ANKRD50: variants seen among roughly 807,000 people sequenced by gnomAD.
The protein encoded by ANKRD50 is ankyrin repeat domain 50, also known as ankyrin repeat domain-containing protein 50.
A neutral mutation model predicts 112.0 loss-of-function variants in ANKRD50; 40 were observed. The observed-to-expected ratio is 0.36, with a 90% CI of 0.28 to 0.46. ANKRD50 has a LOEUF of 0.46. ANKRD50 is among the 20% of genes least tolerant of loss of function. The pLI is 1.00. For synonymous variants in ANKRD50, 613 were observed against 619.1 expected (o/e 0.99, Z 0.15); for missense variants, 1,487 against 1,701.7 (o/e 0.87, Z 2.22).
At chr4:124,677,725 T>A (rs1352665659) in intron 3 of ANKRD50, among the ~76,000 whole-genome samples, 2 of 151,926 alleles carry the variant, frequency 1.3e-5, no homozygotes, top group African/African-American at 4.8e-5. Context: ...AAAGCTCAGA[T>A]GGTGTACGGA....
chr4:124,700,468 A>G (rs1462033917), intron 2 of ANKRD50, among the ~76,000 whole-genome samples: 1 of 152,214 alleles, frequency 6.6e-6, no homozygotes, highest in African/African-American at 2.4e-5. Context: ...CCAGCAATAG[A>G]AAATGGGAGT....
chr4:124,670,911 G>A lies in ANKRD50; in HGVS notation c.2366C>T (p.Ala789Val), dbSNP rs774438602. ...TACAACTGATGCATGACCCATAGAC[G>A]CTGCTGCTAAGAGGGGTGTACGGCC... The part of the protein sequence containing the change: ...NNGRTPLLAA[A>V]SMGHASVVNT... Residue 789 changes from alanine to valine, a missense_variant, in exon 4 of 5, where the codon GCG becomes GTG. Physicochemically the swap from Ala to Val is moderately conservative, Grantham distance 64. Transcript: ENST00000504087. The A allele has an allele frequency of 1.6e-5, 26 of 1,613,762 alleles. No homozygotes were observed. Among genetic ancestry groups the A allele is most frequent in the Non-Finnish European group, 1.9e-5 (23 of 1,179,842 alleles).
rs1290380845 is a variant in ANKRD50, at chr4:124,710,011, T to C, written c.501A>G (p.Glu167=). 19 of 1,609,130 alleles carry C rather than the reference T, an allele frequency of 1.2e-5. No homozygotes were observed. The highest frequency in any genetic ancestry group is 1.5e-5 in the Non-Finnish European group (18 of 1,176,524). ...QPGECERNPA[E]AFKRCVLLPL... is the part of the protein sequence containing the mutation. ...ATTTTTATTGTTACCTTTTAAATGCTTCGGCTGGGTTTCTCTCGCACTCCC... is the reference window on the plus strand; with the variant it reads ...ATTTTTATTGTTACCTTTTAAATGCCTCGGCTGGGTTTCTCTCGCACTCCC... The change falls in exon 2 of 5, where the codon GAA becomes GAG. Residue 167 remains glutamate (E), a synonymous_variant. Coordinates refer to ENST00000504087, the MANE Select transcript of ANKRD50 (RefSeq NM_020337.3).
At chr4:124,672,967 T>C (rs897267685) in intron 3 of ANKRD50, among the ~76,000 whole-genome samples, 4 of 152,124 alleles carry the variant, frequency 2.6e-5, no homozygotes, top group East Asian at 1.9e-4. Context: ...TTTTCACCTA[T>C]ACACTTGAAT....
rs1175698408 is a variant in ANKRD50, at chr4:124,666,736, G to A, written c.*782C>T. 1.3e-5 allele frequency: 2 copies of A among 152,324 alleles called. No individual in the cohort carries two copies. Among genetic ancestry groups the A allele is most frequent in the Non-Finnish European group, 2.9e-5 (2 of 67,912 alleles). 9.4% of individuals were successfully genotyped at this position (152,324 alleles called of 1,614,324 possible). On this transcript the variant is annotated 3_prime_UTR_variant, in exon 5 of 5. Coordinates refer to ENST00000504087, the MANE Select transcript of ANKRD50 (RefSeq NM_020337.3). The stretch of plus-strand genomic sequence containing the variant: ...GGAATGATAGTCTGTCTTCTTAGAG[G>A]TGGAATGACAAAGTGAATGGAAGAT...
chr4:124,688,180 C>CA (rs1725048938), intron 2 of ANKRD50, among the ~76,000 whole-genome samples: 2 of 151,832 alleles, frequency 1.3e-5, no homozygotes, highest in Admixed American at 1.3e-4. Context: ...AGAGAAAAAA[C>CA]AAAAAAGGAA....
chr4:124,674,341 T>C (rs974899110), intron 3 of ANKRD50, among the ~76,000 whole-genome samples: 1 of 151,950 alleles, frequency 6.6e-6, no homozygotes, highest in Non-Finnish European at 1.5e-5. Context: ...ATGTCATGAT[T>C]GGAACTTGAG....
At chr4:124,693,262 C>T (rs1398398647) in intron 2 of ANKRD50, among the ~76,000 whole-genome samples, 1 of 152,098 alleles carries the variant, frequency 6.6e-6, no homozygotes, top group Non-Finnish European at 1.5e-5. Context: ...CTTTTAAGGT[C>T]TTGTAACTGA....
At position 124,664,450 on chromosome 4, in the gene ANKRD50, C is replaced by G. The variant is rs1194337821; in HGVS notation, c.*3068G>C. On this transcript the variant is annotated 3_prime_UTR_variant, in exon 5 of 5. Transcript: ENST00000504087. ...ATGCTATATGCATATCATGCATGTT[C>G]TACTGGTTCAAGGACAAAATTAAAA... 6.6e-6 allele frequency: 1 copy of G among 152,262 alleles called. No individual in the cohort carries two copies. Among genetic ancestry groups the G allele is most frequent in the East Asian group, 1.9e-4 (1 of 5,184 alleles). The allele number at this position is 152,262 out of a possible 1,614,324, so 9.4% of individuals were successfully genotyped here.
At position 124,671,313 on chromosome 4, in the gene ANKRD50, C is replaced by T. The variant is rs1400645114; in HGVS notation, c.1964G>A (p.Gly655Glu). 1 of 1,613,804 alleles carries T rather than the reference C, an allele frequency of 6.2e-7. No homozygotes were observed. The highest frequency in any genetic ancestry group is 1.1e-5 in the South Asian group (1 of 91,070). Residue 655 changes from glycine (G) to glutamate (E), a missense_variant, in exon 4 of 5, where the codon GGA (glycine) becomes GAA (glutamate). Transcript: ENST00000504087. ...RTALRAAAWG[G>E]HEDIVLNLLQ... ...CAAATTCAGTACAATATCCTCGTGT[C>T]CTCCCCATGCTGCTGCTCTCAAAGC...
intron 4 of ANKRD50, among the ~76,000 whole-genome samples, chr4:124,668,142 A>C (rs1183629577): frequency 6.6e-6 from 1 of 151,916 alleles, no homozygotes; most frequent in African/African-American, 2.4e-5. Context: ...AAAATATAAA[A>C]CTTACATACC....
intron 2 of ANKRD50, among the ~76,000 whole-genome samples, chr4:124,687,237 A>C (rs1725026495): frequency 6.6e-6 from 1 of 152,194 alleles, no homozygotes; most frequent in Admixed American, 6.5e-5. Flanking sequence ...GAGGTAATTC[A>C]ATTGAGAAAG....
At chr4:124,683,683 C>A (rs1458112928) in intron 2 of ANKRD50, among the ~76,000 whole-genome samples, 5 of 149,948 alleles carry the variant, frequency 3.3e-5, no homozygotes, top group Admixed American at 6.6e-5. Context: ...CTCTTATTGG[C>A]ACTCTTTAAG....
intron 3 of ANKRD50, among the ~76,000 whole-genome samples, chr4:124,677,562 T>C (rs1160402721): frequency 1.3e-5 from 2 of 151,926 alleles, no homozygotes; most frequent in African/African-American, 2.4e-5. Context: ...TACTATGTAT[T>C]AGGCATTGTC....
chr4:124,704,876 C>T (rs540882849), intron 2 of ANKRD50, among the ~76,000 whole-genome samples: 1 of 152,120 alleles, frequency 6.6e-6, no homozygotes, highest in Non-Finnish European at 1.5e-5. Flanking sequence ...GGGTGGATCA[C>T]GAGGTCAGGA....
At chr4:124,674,362 C>G (rs551029340) in intron 3 of ANKRD50, among the ~76,000 whole-genome samples, 1 of 151,960 alleles carries the variant, frequency 6.6e-6, no homozygotes, top group Admixed American at 6.6e-5. Context: ...ATTATTAAGA[C>G]AGAAACTCCA....
intron 2 of ANKRD50, among the ~76,000 whole-genome samples, chr4:124,680,293 G>A (rs1214580277): frequency 2.0e-5 from 3 of 152,112 alleles, no homozygotes; most frequent in African/African-American, 4.8e-5. Context: ...CTAAAGACTT[G>A]ACATTGTTGC....
rs1462895252 is a variant in ANKRD50 at position 124,672,209 on chromosome 4, C to A, written c.1068G>T (p.Val356=). 1 of 1,613,832 alleles carries A rather than the reference C, an allele frequency of 6.2e-7. No individual in the cohort carries two copies. Among genetic ancestry groups the A allele is most frequent in the African/African-American group, 1.3e-5 (1 of 74,992 alleles). The change falls in exon 4 of 5, where the codon GTG becomes GTT. Residue 356 remains valine, a synonymous_variant. Coordinates refer to ENST00000504087, the MANE Select transcript of ANKRD50 (RefSeq NM_020337.3). ...QFAKVQPILN[V]ILAACRPLTI... ...TCAAAGGTCGGCAGGCTGCAAGAAT[C>A]ACATTCAAAATAGGCTGAACCTTTG...
rs1327771319 is a variant in ANKRD50 at position 124,670,104 on chromosome 4, A to G, written c.3173T>C (p.Ile1058Thr). The G allele has an allele frequency of 8.7e-6, 14 of 1,613,444 alleles. No homozygotes were observed. Among genetic ancestry groups the G allele is most frequent in the African/African-American group, 1.3e-5 (1 of 75,000 alleles). Reference protein sequence around the residue: ...ALCIAAQEGHIDVVQVLLEHG... With the variant: ...ALCIAAQEGHTDVVQVLLEHG... ...CTCTAATAAGACCTGAACAACATCA[A>G]TGTGCCCTTCCTGGGCTGCAATACA... The change falls in exon 4 of 5, where the codon ATT (isoleucine) becomes ACT (threonine). Residue 1058 changes from isoleucine (I) to threonine (T), a missense_variant. Physicochemically the swap from Ile to Thr is moderately conservative, Grantham distance 89 (BLOSUM62 -1). This residue lies in a region of ANKRD50 where 441 missense variants were observed against 432.2 expected (regional missense o/e 1.02). Coordinates refer to ENST00000504087, the MANE Select transcript of ANKRD50 (RefSeq NM_020337.3).
Sources: allele counts gnomAD v4.1 joint callset (sites outside exome capture counted in the v4.1 genomes callset), GRCh38; gene constraint gnomAD v4.1.1; regional missense constraint gnomAD v4.1.1; transcripts MANE v1.5; gene names NCBI Gene and HGNC (gene_info 2026-07-23, HGNC 2026-07-21).